The following CDH4 variants were observed in gnomAD, a reference collection of about 807,000 sequenced individuals.
CDH4 encodes cadherin 4, also known as cadherin-4.
In CDH4, 33 loss-of-function variants were observed where a neutral mutation model predicts 86.0. The ratio of observed to expected loss-of-function variants is 0.38; its 90% CI spans 0.29 to 0.51. The LOEUF (loss-of-function observed/expected upper bound fraction) is 0.51, where lower values mean the gene tolerates loss of function less well. CDH4 is among the 20% of genes least tolerant of loss of function. CDH4 has a pLI of 0.86. For synonymous variants in CDH4, 555 were observed against 549.4 expected, an observed-to-expected ratio of 1.01 and a Z score of -0.14; for missense variants, 1,114 against 1,307.4, an observed-to-expected ratio of 0.85 and a Z score of 2.28.
chr20:61,644,051 A>G (rs1324772444), intron 2 of CDH4, among the ~76,000 whole-genome samples: 1 of 152,198 alleles, frequency 6.6e-6, no homozygotes, highest in Admixed American at 6.5e-5. Context: ...AATTACAGAC[A>G]GGAACAGGAT....
chr20:61,731,779 A>G (rs870643), intron 2 of CDH4, among the ~76,000 whole-genome samples: 28,708 of 152,070 alleles, frequency 0.19, 3,401 homozygotes, highest in African/African-American at 0.33. Context: ...AAACTGTTGC[A>G]GGTGTCCTGG....
chr20:61,364,493 T>C (rs1203060555), intron 2 of CDH4, among the ~76,000 whole-genome samples: 1 of 152,204 alleles, frequency 6.6e-6, no homozygotes, highest in African/African-American at 2.4e-5. Context: ...GGAGATCAGC[T>C]GCCTCCACAG....
chr20:61,659,394 C>T (rs191900874), intron 2 of CDH4, among the ~76,000 whole-genome samples: 8 of 152,114 alleles, frequency 5.3e-5, no homozygotes, highest in African/African-American at 1.9e-4. Flanking sequence ...AAACAAAGAA[C>T]AAGTGCAGGG....
intron 2 of CDH4, among the ~76,000 whole-genome samples, chr20:61,455,681 T>C (rs941533072): frequency 6.6e-6 from 1 of 152,138 alleles, no homozygotes; most frequent in Admixed American, 6.5e-5. Context: ...CATAAGAAGC[T>C]AATGGCATCC....
At chr20:61,680,352 C>T (rs2145857014) in intron 2 of CDH4, among the ~76,000 whole-genome samples, 1 of 152,280 alleles carries the variant, frequency 6.6e-6, no homozygotes, top group South Asian at 2.1e-4. Flanking sequence ...TGGGCAAGGC[C>T]CAAATGGCCT....
At chr20:61,666,855 G>A (rs2087330807) in intron 2 of CDH4, among the ~76,000 whole-genome samples, 1 of 152,254 alleles carries the variant, frequency 6.6e-6, no homozygotes, top group Non-Finnish European at 1.5e-5. Flanking sequence ...AGACAGCAGA[G>A]TCTGGGCCCA....
In CDH4 at chr20:61,554,713, G is replaced by C. The variant is rs142392839; in HGVS notation, c.170-188850G>C. On this transcript the variant is annotated intron_variant, in intron 2 of 15. Coordinates refer to ENST00000614565, the MANE Select transcript of CDH4 (RefSeq NM_001794.5). ...GAAACACTGTGGATCTGTTGTGTGG[G>C]TGTTCCTGTGTGTACACACATGTAC... Among the ~76,000 whole-genome samples the C allele has an allele frequency of 1.7e-3, 252 of 152,360 alleles. 1 individual carries two copies. Among genetic ancestry groups the C allele is most frequent in the African/African-American group, 5.0e-3 (208 of 41,576 alleles).
At position 61,691,639 on chromosome 20, in the gene CDH4, G is replaced by A. The variant is rs367899532; in HGVS notation, c.170-51924G>A. 3.8e-4 allele frequency among the ~76,000 whole-genome samples: 58 copies of A among 152,290 alleles called. No individual in the cohort carries two copies. In the South Asian group the frequency reaches 0.012, roughly 31 times the overall value. On this transcript the variant is annotated intron_variant, in intron 2 of 15. Transcript: ENST00000614565. Reference sequence around the variant, plus strand: ...CATGGTCCAGCCTTCTGCACCCCTCGGCTTCATGGTAGAGCCTGTTGCTCC... The same window carrying A: ...CATGGTCCAGCCTTCTGCACCCCTCAGCTTCATGGTAGAGCCTGTTGCTCC...
At chr20:61,498,457 C>T (rs1251955440) in intron 2 of CDH4, among the ~76,000 whole-genome samples, 1 of 152,224 alleles carries the variant, frequency 6.6e-6, no homozygotes, top group Non-Finnish European at 1.5e-5. Flanking sequence ...CTTCCGGTGA[C>T]ACCTTTGAGA....
intron 2 of CDH4, among the ~76,000 whole-genome samples, chr20:61,476,623 A>G (rs934580717): frequency 6.6e-6 from 1 of 152,212 alleles, no homozygotes; most frequent in East Asian, 1.9e-4. Flanking sequence ...CTGGCTTCAG[A>G]GCTGCTCGCC....
In CDH4 at chr20:61,269,421, C is replaced by T. The variant is rs536576048; in HGVS notation, c.169+14484C>T. ...TAATCCTTAGCCATCAGCTCTGTGACACTGGACCATTTTGTGGCCTGTGTG... is the reference window on the plus strand; with the variant it reads ...TAATCCTTAGCCATCAGCTCTGTGATACTGGACCATTTTGTGGCCTGTGTG... On this transcript the variant is annotated intron_variant, in intron 2 of 15. Transcript: ENST00000614565. This position sits in a 1 kb window ranked among gnomAD's most constrained non-coding sequence, Gnocchi z 5.3. Among the ~76,000 whole-genome samples the T allele has an allele frequency of 6.6e-6, 1 of 152,074 alleles. No homozygotes were observed. The highest frequency in any genetic ancestry group is 1.5e-5 in the Non-Finnish European group (1 of 68,016).
At chr20:61,286,058 G>A (rs576858518) in intron 2 of CDH4, among the ~76,000 whole-genome samples, 2 of 152,324 alleles carry the variant, frequency 1.3e-5, no homozygotes, top group South Asian at 2.1e-4. Flanking sequence ...CTCTGGATGT[G>A]CCAGCCCATC....
chr20:61,875,166 C>G (rs1983965825), intron 7 of CDH4, among the ~76,000 whole-genome samples: 1 of 152,218 alleles, frequency 6.6e-6, no homozygotes, highest in African/African-American at 2.4e-5. Flanking sequence ...CAAGACTCAC[C>G]TGCAGTGCTG....
intron 2 of CDH4, among the ~76,000 whole-genome samples, chr20:61,298,345 C>T (rs1192053347): frequency 6.6e-6 from 1 of 151,436 alleles, no homozygotes; most frequent in Non-Finnish European, 1.5e-5. Flanking sequence ...CATTGATCCA[C>T]TCTCCTAGAC....
At chr20:61,554,647 G>C (rs1568890245) in intron 2 of CDH4, among the ~76,000 whole-genome samples, 1 of 152,236 alleles carries the variant, frequency 6.6e-6, no homozygotes, top group Non-Finnish European at 1.5e-5. Context: ...GCCGCAACCA[G>C]TGCTGAGCCT....
At chr20:61,485,714 G>A (rs1370687336) in intron 2 of CDH4, among the ~76,000 whole-genome samples, 1 of 152,250 alleles carries the variant, frequency 6.6e-6, no homozygotes, top group African/African-American at 2.4e-5. Context: ...GGGTGAATCA[G>A]CCCTGGCCAG....
At chr20:61,386,582 G>T (rs1261741730) in intron 2 of CDH4, among the ~76,000 whole-genome samples, 1 of 152,222 alleles carries the variant, frequency 6.6e-6, no homozygotes, top group Non-Finnish European at 1.5e-5. Context: ...GGCACCATGA[G>T]GTTAGAGAGG....
intron 2 of CDH4, among the ~76,000 whole-genome samples, chr20:61,498,764 C>A (rs763392409): frequency 6.6e-6 from 1 of 151,606 alleles, no homozygotes; most frequent in Non-Finnish European, 1.5e-5. Context: ...AAAAGAAAAT[C>A]GCAAAAAAAA....
At chr20:61,543,724 G>A (rs1389405599) in intron 2 of CDH4, among the ~76,000 whole-genome samples, 1 of 152,238 alleles carries the variant, frequency 6.6e-6, no homozygotes, top group Admixed American at 6.5e-5. Context: ...AATGGCAGCT[G>A]TAAAGTGCTC....
Sources: allele counts gnomAD v4.1 joint callset (sites outside exome capture counted in the v4.1 genomes callset), GRCh38; gene constraint gnomAD v4.1.1; non-coding constraint Gnocchi (gnomAD v3.1); transcripts MANE v1.5; gene names NCBI Gene and HGNC (gene_info 2026-07-23, HGNC 2026-07-21).